The following TNS1 variants were observed in gnomAD, a reference collection of about 807,000 sequenced individuals.
TNS1 encodes tensin-1.
In TNS1, 62 loss-of-function variants were observed where a neutral mutation model predicts 168.6. That is an observed-to-expected ratio of 0.37 (90% CI 0.30 to 0.45). TNS1 has a LOEUF of 0.45. Among genes scored for constraint, TNS1 ranks in the 20% least tolerant of loss-of-function variants. The probability of loss-of-function intolerance (pLI) is 1.00; values close to 1 mark genes in which losing one functional copy is unlikely to be tolerated. For missense variants in TNS1, 2,240 were observed against 2,339.4 expected, an observed-to-expected ratio of 0.96 and a Z score of 0.88; for synonymous variants, 934 against 933.2, an observed-to-expected ratio of 1.00 and a Z score of -0.02.
chr2:217,915,497 G>T (rs889679076), intron 4 of TNS1, among the ~76,000 whole-genome samples: 12 of 152,224 alleles, frequency 7.9e-5, no homozygotes, highest in Non-Finnish European at 1.8e-4. Context: ...ACGTAGAACA[G>T]TGCCTGGCAC....
chr2:217,931,135 G>T (rs1956301074), intron 3 of TNS1, among the ~76,000 whole-genome samples: 1 of 152,166 alleles, frequency 6.6e-6, no homozygotes, highest in South Asian at 2.1e-4. Flanking sequence ...GCCCGGTGGG[G>T]GAGACAGGCA....
intron 3 of TNS1, among the ~76,000 whole-genome samples, chr2:217,975,467 T>G (rs1370711510): frequency 1.3e-5 from 2 of 151,974 alleles, no homozygotes; most frequent in Non-Finnish European, 2.9e-5. Context: ...GCAGGAACAG[T>G]GAGGGTGGCG....
chr2:217,846,786 A>G (rs1170458243), intron 19 of TNS1, among the ~76,000 whole-genome samples: 2 of 152,170 alleles, frequency 1.3e-5, no homozygotes, highest in East Asian at 3.9e-4. Context: ...CCTCTCTCCC[A>G]AAAGAGAAGC....
rs1937695066 is a variant in TNS1, at chr2:217,802,988, T to C, written c.*1471A>G. On this transcript the variant is annotated 3_prime_UTR_variant, in exon 33 of 33. Transcript: ENST00000682258. ...GTTTTCCCAACTGTCCAGTGGACCT[T>C]AGGCCCTTTGGCCCAAGTGCAAGCC... 1 of 152,686 alleles carries C rather than the reference T, an allele frequency of 6.5e-6. No homozygotes were observed. Among genetic ancestry groups the C allele is most frequent in the African/African-American group, 2.4e-5 (1 of 41,474 alleles). The allele number at this position is 152,686 out of a possible 1,614,324, so 9.5% of individuals were successfully genotyped here. A position where few individuals can be genotyped will look rare whatever the true frequency, so the allele number is the denominator to read the frequency against.
At chr2:217,831,021 G>A (rs1944345992) in intron 22 of TNS1, among the ~76,000 whole-genome samples, 1 of 152,154 alleles carries the variant, frequency 6.6e-6, no homozygotes, top group South Asian at 2.1e-4. Context: ...GAGCCAGCTG[G>A]GCTGCCAGCA....
upstream of TNS1, among the ~76,000 whole-genome samples, chr2:218,006,135 G>GC (rs1420555827): frequency 6.6e-6 from 1 of 152,190 alleles, no homozygotes; most frequent in Non-Finnish European, 1.5e-5. Flanking sequence ...CATCCCTCCA[G>GC]CCCCCTGCTC....
rs575733296 is a variant in TNS1, at chr2:217,982,234, C to T, written c.149-3432G>A. On this transcript the variant is annotated intron_variant, in intron 2 of 32. Transcript: ENST00000682258. ...ACCTGAGCCATGTGGGAACTGGATCCTCCAGCCCCAGTCAGGCTTTCAGAT... is the reference window on the plus strand; with the variant it reads ...ACCTGAGCCATGTGGGAACTGGATCTTCCAGCCCCAGTCAGGCTTTCAGAT... Among the ~76,000 whole-genome samples the T allele has an allele frequency of 2.6e-5, 4 of 152,260 alleles. No homozygotes were observed. In the East Asian group the frequency reaches 7.7e-4, roughly 29 times the overall value.
Position 217,900,496 on chromosome 2 carries a change from G to T in TNS1, c.338C>A (p.Thr113Asn), listed in dbSNP as rs966830830. Residue 113 changes from threonine to asparagine, a missense_variant, in exon 7 of 33, where the codon ACC becomes AAC. By Grantham distance (65) the Thr-to-Asn change is moderately conservative. Around this residue, in one of 2 missense-constraint regions of TNS1, gnomAD observed 2,131 missense variants for 2,171.2 expected, o/e 0.98. Coordinates refer to ENST00000682258, the MANE Select transcript of TNS1 (RefSeq NM_001387777.1). ...SLEDNGSTRVTPSVQPHLQPI... is the reference protein window; with the variant it reads ...SLEDNGSTRVNPSVQPHLQPI... ...CTGGAGGTGGGGCTGGACACTCGGG[G>T]TGACCCTGGTGGAGCCCTGGGAAGG... 2.0e-6 allele frequency: 3 copies of T among 1,535,514 alleles called. No individual in the cohort carries two copies. Among genetic ancestry groups the T allele is most frequent in the Non-Finnish European group, 2.6e-6 (3 of 1,146,712 alleles).
At chr2:217,906,414 G>T in intron 5 of TNS1, 29 bp from the exon 6 acceptor site, 1 of 702,858 alleles carries the variant, frequency 1.4e-6, no homozygotes. Context: ...CAGTCAGAGA[G>T]GGGAGGCAAG....
intron 18 of TNS1, among the ~76,000 whole-genome samples, chr2:217,868,667 A>C (rs1018701543): frequency 6.6e-6 from 1 of 152,202 alleles, no homozygotes; most frequent in Admixed American, 6.5e-5. Context: ...CCTTCTCCCC[A>C]CTTTACAGGT....
At chr2:217,823,035 C>A (rs1943112342) in intron 22 of TNS1, among the ~76,000 whole-genome samples, 1 of 152,336 alleles carries the variant, frequency 6.6e-6, no homozygotes, top group South Asian at 2.1e-4. Flanking sequence ...AACTGAAGAA[C>A]CAGAGTCTGT....
intron 3 of TNS1, among the ~76,000 whole-genome samples, chr2:217,938,593 A>C (rs1402329906): frequency 6.6e-6 from 1 of 152,238 alleles, no homozygotes; most frequent in Non-Finnish European, 1.5e-5. Context: ...CCTACTTTAA[A>C]ATGTAGATGC....
intron 3 of TNS1, among the ~76,000 whole-genome samples, chr2:217,926,373 T>C (rs1247062535): frequency 6.6e-6 from 1 of 152,248 alleles, no homozygotes; most frequent in East Asian, 1.9e-4. Context: ...GGCTGAATAC[T>C]GTTCCATTGT....
intron 27 of TNS1, among the ~76,000 whole-genome samples, 189 bp from the exon 28 acceptor site, chr2:217,812,634 C>T (rs1199449772): frequency 6.6e-6 from 1 of 152,194 alleles, no homozygotes; most frequent in African/African-American, 2.4e-5. Flanking sequence ...TCCCAAGGTT[C>T]ACTCTCGCAG....
intron 18 of TNS1, among the ~76,000 whole-genome samples, chr2:217,856,728 A>G (rs964987865): frequency 6.6e-6 from 1 of 152,180 alleles, no homozygotes; most frequent in Non-Finnish European, 1.5e-5. Flanking sequence ...AAATAGCTCC[A>G]GAGCCCACAA....
chr2:218,028,367 G>A (rs1302377880), intron 1 of TNS1, among the ~76,000 whole-genome samples: 1 of 152,164 alleles, frequency 6.6e-6, no homozygotes, highest in African/African-American at 2.4e-5. Flanking sequence ...GGCCACCCGG[G>A]CCTATCACCA....
At chr2:217,822,025 T>G in intron 22 of TNS1, 87 bp from the exon 23 acceptor site, 7 of 1,348,438 alleles carry the variant, frequency 5.2e-6, no homozygotes, top group Non-Finnish European at 7.0e-6. Context: ...GGAACACAGC[T>G]TCCTGGACTC....
intron 3 of TNS1, among the ~76,000 whole-genome samples, chr2:217,940,250 C>T (rs1956844170): frequency 1.3e-5 from 2 of 152,242 alleles, no homozygotes; most frequent in African/African-American, 4.8e-5. Flanking sequence ...ACCACCCTCT[C>T]CCTCCACCCA....
intron 22 of TNS1, chr2:217,830,034 G>A: frequency 1.4e-6 from 2 of 1,458,752 alleles, no homozygotes; most frequent in Non-Finnish European, 1.8e-6. Flanking sequence ...AAACGGAGAT[G>A]GGAAAGCTGG....
Sources: allele counts gnomAD v4.1 joint callset (sites outside exome capture counted in the v4.1 genomes callset), GRCh38; gene constraint gnomAD v4.1.1; regional missense constraint gnomAD v4.1.1; transcripts MANE v1.5; gene names NCBI Gene and HGNC (gene_info 2026-07-23, HGNC 2026-07-21).